The following ZNF536 variants were observed in gnomAD, a reference collection of about 807,000 sequenced individuals.
The protein encoded by ZNF536 is zinc finger protein 536.
ZNF536 carries 13 observed loss-of-function variants against 84.5 expected under a neutral mutation model. That is an observed-to-expected ratio of 0.15 (90% CI 0.10 to 0.24). The LOEUF (loss-of-function observed/expected upper bound fraction) is 0.24. Ranked by LOEUF, ZNF536 falls within the 10% of genes least tolerant of loss-of-function variation. The probability of loss-of-function intolerance (pLI) is 1.00; values close to 1 mark genes in which losing one functional copy is unlikely to be tolerated. For missense variants in ZNF536, 1,536 were observed against 1,747.5 expected (o/e 0.88, Z 2.16); for synonymous variants, 811 against 742.5 (o/e 1.09, Z -1.50).
intron 1 of ZNF536, among the ~76,000 whole-genome samples, chr19:30,422,585 T>C (rs2051007911): frequency 6.6e-6 from 1 of 152,174 alleles, no homozygotes; most frequent in Non-Finnish European, 1.5e-5. Context: ...TCTTCCTTTC[T>C]AGAGGAGACT....
rs112260504 is a variant in ZNF536, at chr19:30,708,065, T to C, written c.170-2692T>C. On this transcript the variant is annotated intron_variant, in intron 1 of 1. Transcript: ENST00000592773. ...TATAATTCCTTAGAAAAAGGCAAGG[T>C]GATACAAGAATATAATTAATAATTC... 3.2e-3 allele frequency among the ~76,000 whole-genome samples: 487 copies of C among 149,910 alleles called. 6 individuals are homozygous for C. Among genetic ancestry groups the C allele is most frequent in the African/African-American group, 0.011 (462 of 40,782 alleles).
chr19:30,563,684 G>A (rs938091149), intron 1 of ZNF536, among the ~76,000 whole-genome samples: 18 of 152,292 alleles, frequency 1.2e-4, no homozygotes, highest in African/African-American at 4.1e-4. Context: ...GTTTTCTTTC[G>A]TGACAGTGGG....
chr19:30,604,580 A>G (rs1380261883), intron 1 of ZNF536, among the ~76,000 whole-genome samples: 2 of 152,172 alleles, frequency 1.3e-5, no homozygotes, highest in Non-Finnish European at 2.9e-5. Flanking sequence ...TTTCTTTATG[A>G]TCAGAGGCAC....
intron 1 of ZNF536, among the ~76,000 whole-genome samples, chr19:30,272,792 C>T (rs1254296299): frequency 6.6e-6 from 1 of 152,124 alleles, no homozygotes. Context: ...ATGGATGTAC[C>T]ACAATCGAGC....
intron 1 of ZNF536, among the ~76,000 whole-genome samples, chr19:30,687,230 G>A (rs2051226284): frequency 6.6e-6 from 1 of 152,132 alleles, no homozygotes. Flanking sequence ...AGCCCATCTT[G>A]CTGACTTGCA....
Position 30,444,123 on chromosome 19 carries a change from G to GGGGCGT in ZNF536, c.569_574dup (p.Gly190_Arg191dup). 1 of 1,610,652 alleles carries GGGGCGT rather than the reference G, an allele frequency of 6.2e-7. No homozygotes were observed. Among genetic ancestry groups the GGGGCGT allele is most frequent in the Non-Finnish European group, 8.5e-7 (1 of 1,178,618 alleles). ...CCCACAAGCTGGGCAACCTGGGCAA[G>GGGGCGT]GGGCGTGGGCGTGTGCGCGAGGAGA... On this transcript the variant is annotated inframe_insertion, in exon 2 of 5. Coordinates refer to ENST00000355537, the MANE Select transcript of ZNF536 (RefSeq NM_014717.3).
At chr19:30,639,977 G>A (rs1401895588) in intron 1 of ZNF536, among the ~76,000 whole-genome samples, 2 of 152,212 alleles carry the variant, frequency 1.3e-5, no homozygotes, top group African/African-American at 4.8e-5. Flanking sequence ...AGGTGCTGTG[G>A]CTCACGCCTG....
intron 2 of ZNF536, among the ~76,000 whole-genome samples, chr19:30,325,644 G>C (rs1402188380): frequency 6.6e-6 from 1 of 152,156 alleles, no homozygotes; most frequent in Non-Finnish European, 1.5e-5. Flanking sequence ...GAGCACTTAG[G>C]GGTGGCTGAG....
chr19:30,313,381 T>C (rs1157195116), intron 2 of ZNF536, among the ~76,000 whole-genome samples: 1 of 152,150 alleles, frequency 6.6e-6, no homozygotes, highest in African/African-American at 2.4e-5. Flanking sequence ...GTGGCTGACT[T>C]CTGCTTAGGT....
chr19:30,264,016 T>C (rs2025364807), intron 1 of ZNF536, among the ~76,000 whole-genome samples: 2 of 152,240 alleles, frequency 1.3e-5, no homozygotes, highest in Admixed American at 1.3e-4. Flanking sequence ...CCTGGTGAAC[T>C]TGAAAGGTTA....
intron 1 of ZNF536, among the ~76,000 whole-genome samples, chr19:30,670,892 A>T (rs2050526432): frequency 6.6e-6 from 1 of 152,174 alleles, no homozygotes; most frequent in Non-Finnish European, 1.5e-5. Flanking sequence ...CAAATGGATG[A>T]ATGATTGCCC....
chr19:30,418,598 T>C (rs1329133103), intron 1 of ZNF536, among the ~76,000 whole-genome samples: 1 of 152,204 alleles, frequency 6.6e-6, no homozygotes, highest in Non-Finnish European at 1.5e-5. Context: ...CACCTACATG[T>C]GTACTGGGCA....
In ZNF536 at chr19:30,444,785, AC is replaced by A. The variant is rs768967733; in HGVS notation, c.1227del (p.Glu410ArgfsTer30). 6.2e-7 allele frequency: 1 copy of A among 1,613,384 alleles called. No individual in the cohort carries two copies. Among genetic ancestry groups the A allele is most frequent in the South Asian group, 1.1e-5 (1 of 91,052 alleles). ...KLSVKNKSPS[D>X]PEVPVPMGGM... ...TCGGTGAAGAACAAGTCCCCCAGCG[AC>A]CCCGAGGTGCCTGTGCCCATGGGCG... On this transcript the variant is annotated frameshift_variant, in exon 2 of 5. Transcript: ENST00000355537. LOFTEE classifies it high-confidence loss of function.
At chr19:30,372,952 G>T (rs1402102386) in intron 1 of ZNF536, among the ~76,000 whole-genome samples, 4 of 151,518 alleles carry the variant, frequency 2.6e-5, no homozygotes, top group Non-Finnish European at 5.9e-5. Context: ...AAAGATTCTT[G>T]TCTCTTTCTG....
intron 1 of ZNF536, among the ~76,000 whole-genome samples, chr19:30,603,479 T>G (rs1483027961): frequency 6.6e-6 from 1 of 152,220 alleles, no homozygotes; most frequent in Non-Finnish European, 1.5e-5. Context: ...CTGTAAAAAA[T>G]AGTGTGGAGT....
At chr19:30,489,753 AGTC>A (rs2145069498) in intron 2 of ZNF536, among the ~76,000 whole-genome samples, 1 of 152,362 alleles carries the variant, frequency 6.6e-6, no homozygotes, top group Non-Finnish European at 1.5e-5. Flanking sequence ...TGATACTGAC[AGTC>A]GTCGTCAGGT....
At chr19:30,268,897 G>A (rs1203360133) in intron 1 of ZNF536, among the ~76,000 whole-genome samples, 1 of 152,136 alleles carries the variant, frequency 6.6e-6, no homozygotes, top group African/African-American at 2.4e-5. Flanking sequence ...CTTGCTTTTA[G>A]GTAGTGGAAT....
At chr19:30,640,203 C>T (rs911845230) in intron 1 of ZNF536, among the ~76,000 whole-genome samples, 18 of 148,674 alleles carry the variant, frequency 1.2e-4, no homozygotes, top group Non-Finnish European at 1.8e-4. Flanking sequence ...GCCAAGATCA[C>T]GCCACTGCAT....
At chr19:30,494,640 A>G (rs938645903) in intron 2 of ZNF536, among the ~76,000 whole-genome samples, 1 of 152,132 alleles carries the variant, frequency 6.6e-6, no homozygotes, top group African/African-American at 2.4e-5. Context: ...CATTGCTCCA[A>G]ATTAATGTCC....
Sources: gnomAD v4.1 joint callset for allele counts (sites outside exome capture counted in the v4.1 genomes callset) on GRCh38, gnomAD v4.1.1 for gene constraint, MANE v1.5 for transcripts, NCBI Gene and HGNC (gene_info 2026-07-23, HGNC 2026-07-21) for gene names.